Variants in FREM2 observed in about 807,000 individuals in gnomAD.
FREM2 encodes FRAS1-related extracellular matrix protein 2.
In FREM2, 119 loss-of-function variants were observed where a neutral mutation model predicts 219.9. That is an observed-to-expected ratio of 0.54 (90% CI 0.47 to 0.63). The LOEUF (loss-of-function observed/expected upper bound fraction) is 0.63. FREM2 is among the 30% of genes least tolerant of loss of function. The pLI is 0.00. For synonymous variants in FREM2, 1,562 were observed against 1,522.8 expected, an observed-to-expected ratio of 1.03 and a Z score of -0.60; for missense variants, 4,030 against 3,993.6, an observed-to-expected ratio of 1.01 and a Z score of -0.25.
chr13:38,687,581 C>G lies in FREM2; in HGVS notation c.237C>G (p.Leu79=). 7 of 1,606,636 alleles carry G rather than the reference C, an allele frequency of 4.4e-6. No individual in the cohort carries two copies. Among genetic ancestry groups the G allele is most frequent in the Non-Finnish European group, 5.9e-6 (7 of 1,176,506 alleles). ...CCATAGTGCTGGCGAACCGCGGACTCCGGGTGCCTTTCGGCCGTGAAGTCT... is the reference window on the plus strand; with the variant it reads ...CCATAGTGCTGGCGAACCGCGGACTGCGGGTGCCTTTCGGCCGTGAAGTCT... ...EEAIVLANRG[L]RVPFGREVWL... The change falls in exon 1 of 24, where the codon CTC becomes CTG. Residue 79 remains leucine (L), a synonymous_variant. Coordinates refer to ENST00000280481, the MANE Select transcript of FREM2 (RefSeq NM_207361.6).
Position 38,851,769 on chromosome 13 carries a change from G to A in FREM2, c.6826G>A (p.Val2276Met), listed in dbSNP as rs555028352. ...AGAGTCGGTGGTTATAAGAATTCCA[G>A]TGATTCGCCAAGGAGACACTTCAAA... is the stretch of plus-strand genomic sequence containing the variant. The part of the protein sequence containing the change: ...PGESVVIRIP[V>M]IRQGDTSKVS... The change falls in exon 11 of 24, where the codon GTG becomes ATG. Residue 2276 changes from valine to methionine, a missense_variant. This residue lies in a region of FREM2 where 3,102 missense variants were observed against 2,950.7 expected (regional missense o/e 1.05). Coordinates refer to ENST00000280481, the MANE Select transcript of FREM2 (RefSeq NM_207361.6). 7.8e-4 allele frequency: 1,261 copies of A among 1,613,850 alleles called. 20 individuals are homozygous for A. In the South Asian group the frequency reaches 0.013, roughly 17 times the overall value.
chr13:38,879,871 A>G (rs1054536999), intron 23 of FREM2, among the ~76,000 whole-genome samples: 9 of 152,234 alleles, frequency 5.9e-5, no homozygotes, highest in Admixed American at 2.0e-4. Flanking sequence ...AATAAGCAGC[A>G]AGACACAGTG....
chr13:38,714,805 C>T (rs554691713), intron 2 of FREM2, among the ~76,000 whole-genome samples: 2 of 152,078 alleles, frequency 1.3e-5, no homozygotes, highest in Admixed American at 1.3e-4. Context: ...TAAAAATTGG[C>T]CCAGCGCGGT....
chr13:38,881,812 A>G lies in FREM2; in HGVS notation c.*1025A>G, dbSNP rs1878560151. 2 of 152,318 alleles carry G rather than the reference A, an allele frequency of 1.3e-5. No homozygotes were observed. Among genetic ancestry groups the G allele is most frequent in the South Asian group, 4.1e-4 (2 of 4,836 alleles). 9.4% of individuals were successfully genotyped at this position (152,318 alleles called of 1,614,324 possible). Reference sequence around the variant, plus strand: ...TTATAGAATAAAGGAACATTTTGACAGATGAGGTTATCCCTCGGAGTAGCG... The same window carrying G: ...TTATAGAATAAAGGAACATTTTGACGGATGAGGTTATCCCTCGGAGTAGCG... On this transcript the variant is annotated 3_prime_UTR_variant, in exon 24 of 24. Transcript: ENST00000280481.
intron 6 of FREM2, among the ~76,000 whole-genome samples, chr13:38,832,990 G>C (rs980888743): frequency 1.3e-5 from 2 of 152,050 alleles, no homozygotes; most frequent in Admixed American, 1.3e-4. Context: ...AGTGAACTGA[G>C]ATTGAGCCAC....
chr13:38,740,333 T>C (rs1872192450), intron 2 of FREM2, among the ~76,000 whole-genome samples: 2 of 152,158 alleles, frequency 1.3e-5, no homozygotes, highest in Admixed American at 6.5e-5. Flanking sequence ...AGACTTGTAA[T>C]GAGGGAAAAA....
intron 6 of FREM2, among the ~76,000 whole-genome samples, chr13:38,837,707 C>CT (rs961303374): frequency 4.9e-4 from 74 of 151,270 alleles, no homozygotes; most frequent in African/African-American, 1.7e-3. Flanking sequence ...CCTTCTTTGT[C>CT]TTTTTTTATC....
At chr13:38,756,874 C>T (rs1229184786) in intron 2 of FREM2, among the ~76,000 whole-genome samples, 1 of 151,884 alleles carries the variant, frequency 6.6e-6, no homozygotes, top group Non-Finnish European at 1.5e-5. Flanking sequence ...AGCAAAATCA[C>T]CAACAAATAG....
intron 2 of FREM2, among the ~76,000 whole-genome samples, chr13:38,721,453 G>A (rs920585323): frequency 3.3e-5 from 5 of 152,104 alleles, no homozygotes; most frequent in Non-Finnish European, 7.4e-5. Flanking sequence ...CAGGGAGGGG[G>A]ACGCAGCACC....
Position 38,882,538 on chromosome 13 carries a change from A to G in FREM2, c.*1751A>G, listed in dbSNP as rs1878584719. 6.6e-6 allele frequency: 1 copy of G among 152,214 alleles called. No homozygotes were observed. Among genetic ancestry groups the G allele is most frequent in the South Asian group, 2.1e-4 (1 of 4,830 alleles). The allele number at this position is 152,214 out of a possible 1,614,324, so 9.4% of individuals were successfully genotyped here. ...ACTTCATGTTCAGTTTTTTAAAAATAGACTGTAGTATCCTTTCATTGGAGA... is the reference window on the plus strand; with the variant it reads ...ACTTCATGTTCAGTTTTTTAAAAATGGACTGTAGTATCCTTTCATTGGAGA... On this transcript the variant is annotated 3_prime_UTR_variant, in exon 24 of 24. Transcript: ENST00000280481.
At chr13:38,712,282 T>C (rs1870807076) in intron 2 of FREM2, among the ~76,000 whole-genome samples, 1 of 152,190 alleles carries the variant, frequency 6.6e-6, no homozygotes, top group Non-Finnish European at 1.5e-5. Flanking sequence ...TCTGCAATAC[T>C]CTAGACAAAT....
intron 3 of FREM2, among the ~76,000 whole-genome samples, chr13:38,768,986 G>C (rs554881340): frequency 6.6e-6 from 1 of 152,144 alleles, no homozygotes; most frequent in Non-Finnish European, 1.5e-5. Context: ...ATTCTGGGGT[G>C]TTCCAGAAAG....
chr13:38,838,940 C>T (rs866598567), intron 6 of FREM2, among the ~76,000 whole-genome samples: 20 of 152,158 alleles, frequency 1.3e-4, no homozygotes, highest in South Asian at 4.1e-4. Flanking sequence ...TTATTACCCA[C>T]CTTCTGAGGC....
At chr13:38,770,864 G>C in intron 4 of FREM2, among the ~76,000 whole-genome samples, 1 of 149,554 alleles carries the variant, frequency 6.7e-6, no homozygotes, top group East Asian at 2.0e-4. Flanking sequence ...GTTTTAAAAA[G>C]AAAAAAAAAG....
intron 6 of FREM2, among the ~76,000 whole-genome samples, chr13:38,803,858 A>G (rs1875118341): frequency 6.6e-6 from 1 of 151,810 alleles, no homozygotes. Context: ...CTTTCTCAAC[A>G]GCAGGAGTAC....
intron 2 of FREM2, among the ~76,000 whole-genome samples, chr13:38,752,866 G>A (rs368313687): frequency 2.6e-5 from 4 of 152,168 alleles, no homozygotes; most frequent in Non-Finnish European, 5.9e-5. Context: ...GAAGTGTAGA[G>A]AACCACTGCT....
chr13:38,710,353 C>T (rs565233951), intron 2 of FREM2, among the ~76,000 whole-genome samples: 3 of 152,174 alleles, frequency 2.0e-5, no homozygotes, highest in South Asian at 2.1e-4. Context: ...GATGAAGTCA[C>T]AAAAATTATT....
intron 23 of FREM2, 68 bp downstream of exon 23, chr13:38,879,045 C>T: frequency 7.3e-7 from 1 of 1,363,388 alleles, no homozygotes; most frequent in Non-Finnish European, 1.1e-6. Context: ...CATTTATATG[C>T]CTCAGATGTC....
In FREM2 at chr13:38,872,951, T is replaced by C. The variant is rs1328293683; in HGVS notation, c.8176+17T>C. 6.2e-6 allele frequency: 10 copies of C among 1,610,510 alleles called. No homozygotes were observed. Among genetic ancestry groups the C allele is most frequent in the Non-Finnish European group, 8.5e-6 (10 of 1,177,486 alleles). On this transcript the variant is annotated intron_variant, in intron 17 of 23. Transcript: ENST00000280481. ...AACTTCAAGGTGAGTTCAGAAGACT[T>C]GGAAAATTCTATAGTTTTGTAACCT...
Sources: gnomAD v4.1 joint callset for allele counts (sites outside exome capture counted in the v4.1 genomes callset) on GRCh38, gnomAD v4.1.1 for gene constraint, gnomAD v4.1.1 regional missense constraint, MANE v1.5 for transcripts, NCBI Gene and HGNC (gene_info 2026-07-23, HGNC 2026-07-21) for gene names.